The following ENTREP2 variants were observed in gnomAD, a reference collection of about 807,000 sequenced individuals.
ENTREP2 encodes protein ENTREP2.
At chr15:29,348,343 G>A in the ENTREP2 span, among the ~76,000 whole-genome samples, 3 of 152,090 alleles carry the variant, frequency 2.0e-5, no homozygotes, top group Admixed American at 6.6e-5. Flanking sequence ...CTAGGACAGG[G>A]AGCAGCAATG....
chr15:29,601,583 C>T, the ENTREP2 span, among the ~76,000 whole-genome samples: 4 of 152,134 alleles, frequency 2.6e-5, no homozygotes, highest in African/African-American at 7.2e-5. Context: ...GCAGGGTCAA[C>T]ATTCACATGA....
chr15:29,623,637 G>T, the ENTREP2 span, among the ~76,000 whole-genome samples: 1 of 152,116 alleles, frequency 6.6e-6, no homozygotes, highest in Non-Finnish European at 1.5e-5. Context: ...AGGATGTTGA[G>T]GACACCACAA....
At chr15:29,446,811 T>C in the ENTREP2 span, among the ~76,000 whole-genome samples, 3 of 152,190 alleles carry the variant, frequency 2.0e-5, no homozygotes, top group Non-Finnish European at 4.4e-5. Flanking sequence ...CATTCCTTGG[T>C]TGTCAGCCAC....
At chr15:29,520,533 A>G in the ENTREP2 span, among the ~76,000 whole-genome samples, 1 of 152,090 alleles carries the variant, frequency 6.6e-6, no homozygotes, top group Non-Finnish European at 1.5e-5. Context: ...ACCTGACCCT[A>G]TATTAAATTG....
At chr15:29,562,022 G>A in the ENTREP2 span, among the ~76,000 whole-genome samples, 1 of 152,208 alleles carries the variant, frequency 6.6e-6, no homozygotes, top group Admixed American at 6.5e-5. Context: ...AGAAAAGCAT[G>A]GCATCAACTT....
At chr15:29,414,878 C>A in the ENTREP2 span, among the ~76,000 whole-genome samples, 2 of 152,142 alleles carry the variant, frequency 1.3e-5, no homozygotes, top group East Asian at 1.9e-4. Context: ...CACCTCTACA[C>A]AAATAAACTA....
the ENTREP2 span, among the ~76,000 whole-genome samples, chr15:29,444,170 CAAAG>C: frequency 0.047 from 3,359 of 70,908 alleles, 125 homozygotes; most frequent in Middle Eastern, 0.064. Flanking sequence ...GAAAGACAGA[CAAAG>C]AAAGAAAGAA....
chr15:29,493,774 C>T, the ENTREP2 span, among the ~76,000 whole-genome samples: 4 of 151,882 alleles, frequency 2.6e-5, no homozygotes, highest in Non-Finnish European at 4.4e-5. Context: ...TCAGGAGTTC[C>T]AAGACCAGCC....
At chr15:29,165,791 G>T in the ENTREP2 span, among the ~76,000 whole-genome samples, 1 of 152,018 alleles carries the variant, frequency 6.6e-6, no homozygotes, top group Admixed American at 6.6e-5. Flanking sequence ...CAAGATAAGA[G>T]AAAGAAGGAA....
At chr15:29,368,327 C>CA in the ENTREP2 span, among the ~76,000 whole-genome samples, 2,960 of 139,080 alleles carry the variant, frequency 0.021, 86 homozygotes, top group African/African-American at 0.069. Flanking sequence ...GACTCCATCT[C>CA]AAAAAAAAAA....
chr15:29,583,577 C>A, the ENTREP2 span, among the ~76,000 whole-genome samples: 1 of 152,164 alleles, frequency 6.6e-6, no homozygotes, highest in Non-Finnish European at 1.5e-5. Context: ...GTGCAGCAAA[C>A]CACCATGGCA....
chr15:29,576,790 T>G, the ENTREP2 span, among the ~76,000 whole-genome samples: 1 of 152,200 alleles, frequency 6.6e-6, no homozygotes, highest in African/African-American at 2.4e-5. Flanking sequence ...CCCATCAGGA[T>G]AGCTATATTA....
the ENTREP2 span, among the ~76,000 whole-genome samples, chr15:29,562,714 A>G: frequency 4.6e-5 from 7 of 152,074 alleles, no homozygotes; most frequent in African/African-American, 1.7e-4. Flanking sequence ...AGGACTTTTT[A>G]CCCGATGCCC....
chr15:29,602,230 C>T, the ENTREP2 span, among the ~76,000 whole-genome samples: 2 of 152,150 alleles, frequency 1.3e-5, no homozygotes, highest in African/African-American at 4.8e-5. Context: ...CCATGCTCAC[C>T]CCAAGCACCT....
the ENTREP2 span, among the ~76,000 whole-genome samples, chr15:29,492,814 G>A: frequency 6.6e-6 from 1 of 152,056 alleles, no homozygotes; most frequent in South Asian, 2.1e-4. Flanking sequence ...GACCAGCCTG[G>A]CCAACATGGT....
chr15:29,233,874 G>A, the ENTREP2 span: 1 of 1,578,474 alleles, frequency 6.3e-7, no homozygotes, highest in Non-Finnish European at 8.7e-7. Context: ...GATGTCAAAT[G>A]AGCCTGAGCT....
chr15:29,603,027 C>T, the ENTREP2 span, among the ~76,000 whole-genome samples: 4 of 152,136 alleles, frequency 2.6e-5, no homozygotes, highest in African/African-American at 7.2e-5. Flanking sequence ...AAGAGAATCA[C>T]GAGATGGCCC....
At chr15:29,358,339 A>G in the ENTREP2 span, among the ~76,000 whole-genome samples, 1 of 152,242 alleles carries the variant, frequency 6.6e-6, no homozygotes, top group Non-Finnish European at 1.5e-5. Flanking sequence ...CAAAGAACAT[A>G]AAGTGCAATT....
the ENTREP2 span, among the ~76,000 whole-genome samples, chr15:29,641,946 G>A: frequency 5.9e-5 from 9 of 151,826 alleles, no homozygotes; most frequent in South Asian, 6.2e-4. Context: ...CTTATGCTCT[G>A]AATACCACAA....
Sources: gnomAD v4.1 joint callset for allele counts (sites outside exome capture counted in the v4.1 genomes callset) on GRCh38, gnomAD v4.1.1 for gene constraint, MANE v1.5 for transcripts, NCBI Gene and HGNC (gene_info 2026-07-23, HGNC 2026-07-21) for gene names.